The following SV2B variants were observed in gnomAD, a reference collection of about 807,000 sequenced individuals.
The protein encoded by SV2B is synaptic vesicle glycoprotein 2B.
In SV2B, 41 loss-of-function variants were observed where a neutral mutation model predicts 73.9. That is an observed-to-expected ratio of 0.56 (90% CI 0.43 to 0.72). The LOEUF is 0.72. Among genes scored for constraint, SV2B ranks in the 30% least tolerant of loss-of-function variants. SV2B has a pLI of 0.00. For synonymous variants in SV2B, 314 were observed against 314.2 expected, an observed-to-expected ratio of 1.00 and a Z score of 0.01; for missense variants, 764 against 857.8, an observed-to-expected ratio of 0.89 and a Z score of 1.37.
chr15:91,187,311 A>G (rs2044810729), intron 1 of SV2B, among the ~76,000 whole-genome samples: 1 of 152,236 alleles, frequency 6.6e-6, no homozygotes, highest in Admixed American at 6.5e-5. Flanking sequence ...GAATTCTATA[A>G]TGCTCTTAAA....
rs147885231 is a variant in SV2B at position 91,132,025 on chromosome 15, C to T, written c.-392+31662C>T. Among the ~76,000 whole-genome samples the T allele has an allele frequency of 6.6e-6, 1 of 152,038 alleles. No individual in the cohort carries two copies. Among genetic ancestry groups the T allele is most frequent in the Admixed American group, 6.6e-5 (1 of 15,266 alleles). On this transcript the variant is annotated intron_variant, in intron 1 of 12. Transcript: ENST00000394232. The surrounding 1 kb of genome is among the most constrained non-coding windows in gnomAD (Gnocchi z 4.6). ...TGTGGTGATGTCACTGGTAGAGGGT[C>T]GTGACTGCAAGTTATTGAGGTTCTT... is the stretch of plus-strand genomic sequence containing the variant.
At position 91,261,019 on chromosome 15, in the gene SV2B, C is replaced by T. The variant is rs138777997; in HGVS notation, c.1008+610C>T. Among the ~76,000 whole-genome samples, 2 of 152,282 alleles carry T rather than the reference C, an allele frequency of 1.3e-5. No homozygotes were observed. Among genetic ancestry groups the T allele is most frequent in the East Asian group, 3.9e-4 (2 of 5,182 alleles). Reference sequence around the variant, plus strand: ...GTGGGAACGCAGAGCCACACCACATCAGAGGCCGAGGCTGGCAGATCACTT... The same window carrying T: ...GTGGGAACGCAGAGCCACACCACATTAGAGGCCGAGGCTGGCAGATCACTT... On this transcript the variant is annotated intron_variant, in intron 6 of 12. Coordinates refer to ENST00000394232, the MANE Select transcript of SV2B (RefSeq NM_001323032.3). The surrounding 1 kb of genome is among the most constrained non-coding windows in gnomAD (Gnocchi z 4.7).
chr15:91,249,068 T>TCTCACACACA (rs1555490602), intron 2 of SV2B, among the ~76,000 whole-genome samples: 7 of 142,012 alleles, frequency 4.9e-5, no homozygotes, highest in African/African-American at 1.9e-4. Context: ...ATCTACGTTT[T>TCTCACACACA]CACACACACA....
chr15:91,242,193 T>G lies in SV2B; in HGVS notation c.452-9626T>G, dbSNP rs540512541. On this transcript the variant is annotated intron_variant, in intron 2 of 12. Transcript: ENST00000394232. This position sits in a 1 kb window ranked among gnomAD's most constrained non-coding sequence, Gnocchi z 4.9. ...CCTCGTTTTCCACCTGCCCATTGGC[T>G]GCTCCTTCTTGTTCTCCATCACTGG... Among the ~76,000 whole-genome samples the G allele has an allele frequency of 5.1e-4, 77 of 152,366 alleles. No homozygotes were observed. Among genetic ancestry groups the G allele is most frequent in the Non-Finnish European group, 8.4e-4 (57 of 68,038 alleles).
chr15:91,143,723 G>T (rs2043065246), intron 1 of SV2B, among the ~76,000 whole-genome samples: 1 of 152,162 alleles, frequency 6.6e-6, no homozygotes, highest in Admixed American at 6.5e-5. Flanking sequence ...TGATTCTGAT[G>T]ATTCAGACGA....
At chr15:91,211,631 G>T (rs2045867192) in intron 1 of SV2B, among the ~76,000 whole-genome samples, 1 of 151,570 alleles carries the variant, frequency 6.6e-6, no homozygotes, top group Admixed American at 6.6e-5. Flanking sequence ...AGCCTCCTGA[G>T]TAGCTGGAAT....
At chr15:91,259,145 T>C (rs2047816825) in intron 5 of SV2B, among the ~76,000 whole-genome samples, 1 of 152,044 alleles carries the variant, frequency 6.6e-6, no homozygotes, top group South Asian at 2.1e-4. Flanking sequence ...GGAAGCTCTT[T>C]AGAGCTGCTG....
rs2049289914 is a variant in SV2B at position 91,297,368 on chromosome 15, C to A, written c.*4816C>A. On this transcript the variant is annotated 3_prime_UTR_variant, in exon 13 of 13. Coordinates refer to ENST00000394232, the MANE Select transcript of SV2B (RefSeq NM_001323032.3). This position sits in a 1 kb window ranked among gnomAD's most constrained non-coding sequence, Gnocchi z 5.1. Reference sequence around the variant, plus strand: ...TACTGGGAACATTGCTGCCCCTCCTCCAAATTGAGGGTCTTGGCTCGAAGG... The same window carrying A: ...TACTGGGAACATTGCTGCCCCTCCTACAAATTGAGGGTCTTGGCTCGAAGG... The A allele has an allele frequency of 6.6e-6, 1 of 152,220 alleles. No individual in the cohort carries two copies. The highest frequency in any genetic ancestry group is 2.4e-5 in the African/African-American group (1 of 41,442). The allele number at this position is 152,220 out of a possible 1,614,324, so 9.4% of individuals were successfully genotyped here.
rs2042328402 is a variant in SV2B at position 91,121,312 on chromosome 15, C to T, written c.-392+20949C>T. Among the ~76,000 whole-genome samples the T allele has an allele frequency of 6.6e-6, 1 of 152,156 alleles. No individual in the cohort carries two copies. Among genetic ancestry groups the T allele is most frequent in the Non-Finnish European group, 1.5e-5 (1 of 68,010 alleles). On this transcript the variant is annotated intron_variant, in intron 1 of 12. Coordinates refer to ENST00000394232, the MANE Select transcript of SV2B (RefSeq NM_001323032.3). This position sits in a 1 kb window ranked among gnomAD's most constrained non-coding sequence, Gnocchi z 4.4. ...AGTGAGAAATTTATTAATTTTCCCC[C>T]CTAACCCTCCTGAGAATACTTAAGC... is the stretch of plus-strand genomic sequence containing the variant.
Position 91,223,835 on chromosome 15 carries a change from T to C in SV2B, c.-391-2038T>C, listed in dbSNP as rs1567360746. 6.6e-6 allele frequency among the ~76,000 whole-genome samples: 1 copy of C among 152,248 alleles called. No homozygotes were observed. The highest frequency in any genetic ancestry group is 1.5e-5 in the Non-Finnish European group (1 of 68,042). On this transcript the variant is annotated intron_variant, in intron 1 of 12. Coordinates refer to ENST00000394232, the MANE Select transcript of SV2B (RefSeq NM_001323032.3). This position sits in a 1 kb window ranked among gnomAD's most constrained non-coding sequence, Gnocchi z 4.6. ...TTCTTAGTAAGTATTTCTTGCTGGC[T>C]TCTTTGGCACTGTTTCTCAAAGTGC...
intron 1 of SV2B, among the ~76,000 whole-genome samples, chr15:91,204,893 G>A (rs1383586331): frequency 6.6e-6 from 1 of 152,070 alleles, no homozygotes; most frequent in South Asian, 2.1e-4. Context: ...CACCTTGTGA[G>A]CTAATTTTTA....
rs552450981 is a variant in SV2B at position 91,236,550 on chromosome 15, C to A, written c.451+9836C>A. 6.6e-6 allele frequency among the ~76,000 whole-genome samples: 1 copy of A among 152,224 alleles called. No individual in the cohort carries two copies. Among genetic ancestry groups the A allele is most frequent in the South Asian group, 2.1e-4 (1 of 4,820 alleles). Reference sequence around the variant, plus strand: ...AAATATATAAAACTCATTCCCTGTACAAGTATATGTAAGCTTTTGACCTTG... The same window carrying A: ...AAATATATAAAACTCATTCCCTGTAAAAGTATATGTAAGCTTTTGACCTTG... On this transcript the variant is annotated intron_variant, in intron 2 of 12. Transcript: ENST00000394232. This position sits in a 1 kb window ranked among gnomAD's most constrained non-coding sequence, Gnocchi z 4.1.
Position 91,105,782 on chromosome 15 carries a change from T to C in SV2B, c.-392+5419T>C, listed in dbSNP as rs1385032180. Among the ~76,000 whole-genome samples the C allele has an allele frequency of 6.6e-6, 1 of 152,000 alleles. No individual in the cohort carries two copies. Among genetic ancestry groups the C allele is most frequent in the Non-Finnish European group, 1.5e-5 (1 of 67,992 alleles). ...CCAGGCTGGATAGTACTTAAAATGG[T>C]GAGAAGTTGTAATCCCAGCATTTTG... is the stretch of plus-strand genomic sequence containing the variant. On this transcript the variant is annotated intron_variant, in intron 1 of 12. Coordinates refer to ENST00000394232, the MANE Select transcript of SV2B (RefSeq NM_001323032.3). The surrounding 1 kb of genome is among the most constrained non-coding windows in gnomAD (Gnocchi z 5.5).
chr15:91,238,225 C>G (rs2046866851), intron 2 of SV2B, among the ~76,000 whole-genome samples: 1 of 152,166 alleles, frequency 6.6e-6, no homozygotes, highest in African/African-American at 2.4e-5. Context: ...ACTACTATCA[C>G]CACTACCAAG....
intron 12 of SV2B, among the ~76,000 whole-genome samples, chr15:91,291,809 G>A (rs1461517208): frequency 1.3e-5 from 2 of 152,190 alleles, no homozygotes; most frequent in South Asian, 2.1e-4. Context: ...AGGCCCACCC[G>A]CAACGTCTCT....
intron 9 of SV2B, among the ~76,000 whole-genome samples, chr15:91,269,494 T>C (rs1425841824): frequency 6.6e-6 from 1 of 152,178 alleles, no homozygotes; most frequent in Non-Finnish European, 1.5e-5. Flanking sequence ...CTGCCCCATA[T>C]TTACCACTTC....
Position 91,258,634 on chromosome 15 carries a change from T to G in SV2B, c.918+80T>G. 28 of 1,588,794 alleles carry G rather than the reference T, an allele frequency of 1.8e-5. No individual in the cohort carries two copies. Among genetic ancestry groups the G allele is most frequent in the Non-Finnish European group, 2.1e-5 (24 of 1,165,830 alleles). On this transcript the variant is annotated intron_variant, in intron 5 of 12. Coordinates refer to ENST00000394232, the MANE Select transcript of SV2B (RefSeq NM_001323032.3). The surrounding 1 kb of genome is among the most constrained non-coding windows in gnomAD (Gnocchi z 4.7). ...AGCCTCGCTTCCTTCTCTCAGCTCC[T>G]AGTCCCACATCCTCTGCTGCTTATG...
Position 91,242,797 on chromosome 15 carries a change from G to A in SV2B, c.452-9022G>A, listed in dbSNP as rs1355264774. Among the ~76,000 whole-genome samples the A allele has an allele frequency of 6.6e-6, 1 of 152,188 alleles. No homozygotes were observed. Among genetic ancestry groups the A allele is most frequent in the African/African-American group, 2.4e-5 (1 of 41,446 alleles). ...CTTTCTGAACATGCTATTAAAGGCT[G>A]CACAAATCTCTGTCACACAGGGTTC... On this transcript the variant is annotated intron_variant, in intron 2 of 12. Transcript: ENST00000394232. This position sits in a 1 kb window ranked among gnomAD's most constrained non-coding sequence, Gnocchi z 4.9.
At chr15:91,171,907 T>G (rs1045226761) in intron 1 of SV2B, among the ~76,000 whole-genome samples, 5 of 152,190 alleles carry the variant, frequency 3.3e-5, no homozygotes, top group African/African-American at 1.2e-4. Context: ...CCACTCCCTC[T>G]TCACACCATC....
Sources: allele counts gnomAD v4.1 joint callset (sites outside exome capture counted in the v4.1 genomes callset), GRCh38; gene constraint gnomAD v4.1.1; non-coding constraint Gnocchi (gnomAD v3.1); transcripts MANE v1.5; gene names NCBI Gene and HGNC (gene_info 2026-07-23, HGNC 2026-07-21).